Variants in TRAPPC2L observed in about 807,000 individuals in gnomAD.
TRAPPC2L encodes the protein trafficking protein particle complex subunit 2L.
A neutral mutation model predicts 13.2 loss-of-function variants in TRAPPC2L; 17 were observed. The observed-to-expected ratio is 1.29, with a 90% CI of 0.88 to 1.93. The LOEUF (loss-of-function observed/expected upper bound fraction) is 1.93, where lower values mean the gene tolerates loss of function less well. TRAPPC2L is among the 30% of genes most tolerant of loss of function. The probability of loss-of-function intolerance (pLI) is 0.00; values close to 1 mark genes in which losing one functional copy is unlikely to be tolerated. For missense variants in TRAPPC2L, 359 were observed against 252.1 expected (o/e 1.42, Z -2.87); for synonymous variants, 150 against 98.1 (o/e 1.53, Z -3.12).
At position 88,860,896 on chromosome 16, in the gene TRAPPC2L, G is replaced by T. The variant is rs755610647; in HGVS notation, c.*572G>T. On this transcript the variant is annotated 3_prime_UTR_variant, in exon 4 of 4. Transcript: ENST00000565504. The stretch of plus-strand genomic sequence containing the variant: ...GAGGGCCTGGCTCTCCTCTGAGTGG[G>T]TCTGTTTCTCTTAGCAGGGCCTTTG... The T allele has an allele frequency of 1.3e-6, 2 of 1,585,496 alleles. No individual in the cohort carries two copies. The highest frequency in any genetic ancestry group is 1.3e-5 in the African/African-American group (1 of 74,800).
exon 2 of TRAPPC2L, chr16:88,858,686 C>G: frequency 6.2e-7 from 1 of 1,613,640 alleles, no homozygotes; most frequent in Non-Finnish European, 8.5e-7. Flanking sequence ...ATGGTGCACA[C>G]ATCTCTGGAC....
chr16:88,859,122 G>C, intron 2 of TRAPPC2L: 1 of 448,756 alleles, frequency 2.2e-6, no homozygotes. Context: ...TTTGAGCAGG[G>C]GATAATAGTT....
upstream of TRAPPC2L, chr16:88,857,067 T>G (rs1470380990): frequency 2.0e-6 from 3 of 1,491,954 alleles, no homozygotes; most frequent in African/African-American, 1.4e-5. Context: ...CTGAGCCAGC[T>G]GTGTGCGGAT....
At chr16:88,857,378 T>A in intron 1 of TRAPPC2L, 195 bp downstream of exon 1, 1 of 532,694 alleles carries the variant, frequency 1.9e-6, no homozygotes, top group Non-Finnish European at 3.2e-6. Flanking sequence ...AGTTCCGCGC[T>A]CGCCCGTCCC....
chr16:88,860,885 C>A, exon 4 of TRAPPC2L: 1 of 1,579,188 alleles, frequency 6.3e-7, no homozygotes, highest in East Asian at 2.3e-5. Context: ...GCCTGGCTCT[C>A]CTCTGAGTGG....
chr16:88,860,470 C>T (rs1968308214), exon 4 of TRAPPC2L: 1 of 603,458 alleles, frequency 1.7e-6, no homozygotes, highest in Admixed American at 2.9e-5. Flanking sequence ...TCAGTGAGTC[C>T]CCAGTTCCAA....
intron 1 of TRAPPC2L, among the ~76,000 whole-genome samples, chr16:88,858,003 T>A (rs1314670394): frequency 6.6e-6 from 1 of 152,214 alleles, no homozygotes; most frequent in East Asian, 1.9e-4. Flanking sequence ...TTTGCTTGTT[T>A]GTGGGTTTAT....
At chr16:88,860,405 CT>C in exon 4 of TRAPPC2L, 1 of 609,670 alleles carries the variant, frequency 1.6e-6, no homozygotes. Context: ...ACAGATTTAA[CT>C]TTTGAACATC....
At chr16:88,862,464 G>A (rs1301731929) in exon 4 of TRAPPC2L, 1 of 151,816 alleles carries the variant, frequency 6.6e-6, no homozygotes, top group Non-Finnish European at 1.5e-5. Flanking sequence ...CTGGAACATG[G>A]ATGTGATGGC....
chr16:88,861,072 C>G (rs908800913), exon 4 of TRAPPC2L: 1 of 1,041,894 alleles, frequency 9.6e-7, no homozygotes, highest in Non-Finnish European at 1.4e-6. Flanking sequence ...TCAGGGCAGG[C>G]AGCTGTGCAT....
chr16:88,857,146 C>A, exon 1 of TRAPPC2L: 1 of 1,579,766 alleles, frequency 6.3e-7, no homozygotes. Flanking sequence ...GCCGAGCCTC[C>A]CAAGATGGCG....
upstream of TRAPPC2L, chr16:88,856,940 T>A (rs986947493): frequency 6.8e-7 from 1 of 1,461,802 alleles, no homozygotes; most frequent in African/African-American, 1.5e-5. Context: ...CCGCCGGCCC[T>A]TCCGGCTGGG....
At chr16:88,859,407 G>A (rs992679018) in intron 2 of TRAPPC2L, 15 of 699,046 alleles carry the variant, frequency 2.1e-5, no homozygotes, top group Admixed American at 6.0e-5. Context: ...AGACAGACTC[G>A]GAGTCTAGGT....
At chr16:88,856,969 A>G (rs116702472), upstream of TRAPPC2L, 7,491 of 1,405,504 alleles carry the variant, frequency 5.3e-3, 367 homozygotes, top group African/African-American at 0.1. Context: ...CGGGGCCTGG[A>G]CGGCCACGTG....
chr16:88,860,205 G>C (rs918258106), exon 4 of TRAPPC2L: 5 of 707,040 alleles, frequency 7.1e-6, no homozygotes, highest in Middle Eastern at 4.6e-4. Context: ...GTGGGGAGTA[G>C]AGCTTGCCCA....
In TRAPPC2L at chr16:88,858,608, C is replaced by T. The variant is rs763323259; in HGVS notation, c.34-11C>T. On this transcript the variant is annotated splice_polypyrimidine_tract_variant and intron_variant, in intron 1 of 3. Coordinates refer to ENST00000565504, the Ensembl canonical transcript of TRAPPC2L. ...TCTTGTCCTTTCAGTCGCCGTCATC[C>T]TTTCTTGCAGAATTACCCCCTCTAC... is the stretch of plus-strand genomic sequence containing the variant. The T allele has an allele frequency of 1.2e-6, 2 of 1,611,110 alleles. No homozygotes were observed. The highest frequency in any genetic ancestry group is 1.7e-5 in the Admixed American group (1 of 59,988).
chr16:88,857,044 A>G (rs1967963118), upstream of TRAPPC2L: 2 of 1,431,730 alleles, frequency 1.4e-6, no homozygotes, highest in South Asian at 1.4e-5. Flanking sequence ...CCTCGTGACC[A>G]GTGGGGCGGG....
chr16:88,856,897 G>T (rs1274449066), upstream of TRAPPC2L: 1 of 1,502,256 alleles, frequency 6.7e-7, no homozygotes, highest in Admixed American at 2.1e-5. Context: ...GGGAGCCGCG[G>T]AGCCCCGGCC....
chr16:88,857,076 A>T (rs953188169), upstream of TRAPPC2L: 5 of 1,509,434 alleles, frequency 3.3e-6, no homozygotes, highest in Non-Finnish European at 4.4e-6. Flanking sequence ...CTGTGTGCGG[A>T]TGGGGCGGGG....
Sources: gnomAD v4.1 joint callset for allele counts (sites outside exome capture counted in the v4.1 genomes callset) on GRCh38, gnomAD v4.1.1 for gene constraint, MANE v1.5 for transcripts, NCBI Gene and HGNC (gene_info 2026-07-23, HGNC 2026-07-21) for gene names.